HNRNPUL1: variants seen among roughly 807,000 people sequenced by gnomAD.
HNRNPUL1 encodes the protein heterogeneous nuclear ribonucleoprotein U-like protein 1.
HNRNPUL1 carries 14 observed loss-of-function variants against 108.5 expected under a neutral mutation model. That is an observed-to-expected ratio of 0.13 (90% CI 0.09 to 0.20). HNRNPUL1 has a LOEUF of 0.20. Ranked by LOEUF, HNRNPUL1 falls within the 10% of genes least tolerant of loss-of-function variation. The pLI is 1.00. For missense variants in HNRNPUL1, 804 were observed against 1,168.3 expected (o/e 0.69, Z 4.55); for synonymous variants, 422 against 445.2 (o/e 0.95, Z 0.66).
In HNRNPUL1 at chr19:41,305,781, G is replaced by A. The variant is rs575294650; in HGVS notation, c.2368G>A (p.Gly790Ser). ...ACCTGCCTACAACTATGGGAGCTAC[G>A]GCGGTTACAACCCGGCCCCCTATAC... is the stretch of plus-strand genomic sequence containing the variant. ...PPPAYNYGSY[G>S]GYNPAPYTPP... Residue 790 changes from glycine (G) to serine (S), a missense_variant, in exon 14 of 15, where the codon GGC (glycine) becomes AGC (serine). By Grantham distance (56) the Gly-to-Ser change is moderately conservative. Coordinates refer to ENST00000392006, the MANE Select transcript of HNRNPUL1 (RefSeq NM_007040.6). The A allele has an allele frequency of 5.0e-6, 8 of 1,613,672 alleles. No homozygotes were observed. The African/African-American group carries it at 5.3e-5, about 11-fold the overall frequency.
chr19:41,287,105 T>C (rs2036280404), intron 7 of HNRNPUL1, among the ~76,000 whole-genome samples: 1 of 151,946 alleles, frequency 6.6e-6, no homozygotes, highest in Non-Finnish European at 1.5e-5. Context: ...AAGTTCTGCC[T>C]CCCAGGTTCA....
At chr19:41,277,111 A>AC (rs1440430489) in intron 5 of HNRNPUL1, among the ~76,000 whole-genome samples, 27 of 150,890 alleles carry the variant, frequency 1.8e-4, no homozygotes, top group African/African-American at 5.9e-4. Context: ...AAAAAAAACA[A>AC]AAAAACAAAA....
intron 1 of HNRNPUL1, among the ~76,000 whole-genome samples, chr19:41,267,080 C>G (rs1390527329): frequency 6.6e-6 from 1 of 152,168 alleles, no homozygotes; most frequent in Non-Finnish European, 1.5e-5. Flanking sequence ...TCAAATCTGG[C>G]TTAAAGATAT....
At chr19:41,293,588 T>A (rs1454989237) in intron 8 of HNRNPUL1, among the ~76,000 whole-genome samples, 1 of 152,220 alleles carries the variant, frequency 6.6e-6, no homozygotes, top group African/African-American at 2.4e-5. Context: ...TGTGTGCAGC[T>A]CTGTTCCTAT....
upstream of HNRNPUL1, among the ~76,000 whole-genome samples, chr19:41,263,373 T>C (rs2034614782): frequency 6.6e-6 from 1 of 152,188 alleles, no homozygotes; most frequent in Non-Finnish European, 1.5e-5. Context: ...GACAGCCCGA[T>C]TTACGGGAAC....
chr19:41,303,923 T>C (rs771252772), intron 12 of HNRNPUL1, 49 bp from the exon 13 acceptor site: 4 of 1,567,414 alleles, frequency 2.6e-6, no homozygotes, highest in Non-Finnish European at 3.5e-6. Flanking sequence ...TTCCCTGGGG[T>C]TGCCATTTGG....
In HNRNPUL1 at chr19:41,279,070, T is replaced by A. The variant is rs761723830; in HGVS notation, c.787-7T>A. Reference sequence around the variant, plus strand: ...CAACCCTGAGCCCTTTTGTCCTCTTTCCTCAGATCAATGAGGAAATCTCCG... The same window carrying A: ...CAACCCTGAGCCCTTTTGTCCTCTTACCTCAGATCAATGAGGAAATCTCCG... On this transcript the variant is annotated splice_region_variant and splice_polypyrimidine_tract_variant and intron_variant, in intron 5 of 14. Coordinates refer to ENST00000392006, the MANE Select transcript of HNRNPUL1 (RefSeq NM_007040.6). The A allele has an allele frequency of 6.2e-7, 1 of 1,612,006 alleles. No individual in the cohort carries two copies. Among genetic ancestry groups the A allele is most frequent in the East Asian group, 2.2e-5 (1 of 44,868 alleles).
Position 41,304,115 on chromosome 19 carries a change from C to G in HNRNPUL1, c.2116C>G (p.Pro706Ala). 1 of 1,613,452 alleles carries G rather than the reference C, an allele frequency of 6.2e-7. No homozygotes were observed. The highest frequency in any genetic ancestry group is 8.5e-7 in the Non-Finnish European group (1 of 1,179,446). ...PPPQQPPPPQ[P>A]PPQQPPPPPS... ...ACCACAGCAGCCTCCGCCACCACAG[C>G]CACCACCCCAGCAGCCACCGCCACC... Residue 706 changes from proline to alanine, a missense_variant, in exon 13 of 15, where the codon CCA becomes GCA. Physicochemically the swap from Pro to Ala is conservative, Grantham distance 27. Around this residue, in one of 4 missense-constraint regions of HNRNPUL1, gnomAD observed 294 missense variants for 388.3 expected, o/e 0.76. Coordinates refer to ENST00000392006, the MANE Select transcript of HNRNPUL1 (RefSeq NM_007040.6).
chr19:41,265,435 C>T (rs943161153), intron 1 of HNRNPUL1: 2 of 1,401,372 alleles, frequency 1.4e-6, no homozygotes, highest in Non-Finnish European at 1.9e-6. Context: ...GGCTAGTGAG[C>T]ATTTAGGGGC....
intron 4 of HNRNPUL1, 60 bp from the exon 5 acceptor site, chr19:41,276,099 G>A (rs867333943): frequency 1.4e-5 from 22 of 1,608,576 alleles, no homozygotes; most frequent in East Asian, 2.2e-5. Flanking sequence ...GTGAAACTCC[G>A]TCTCAAGAAA....
chr19:41,278,425 A>G (rs893832679), intron 5 of HNRNPUL1: 5 of 151,294 alleles, frequency 3.3e-5, no homozygotes, highest in African/African-American at 1.2e-4. Context: ...TCAGTGCTTT[A>G]TTGATATTTT....
intron 4 of HNRNPUL1, among the ~76,000 whole-genome samples, chr19:41,275,310 G>A (rs979392652): frequency 6.6e-6 from 1 of 152,026 alleles, no homozygotes; most frequent in Non-Finnish European, 1.5e-5. Context: ...GTAACATGGC[G>A]AAACCCTGTC....
At chr19:41,300,419 T>C (rs1422895850) in intron 10 of HNRNPUL1, among the ~76,000 whole-genome samples, 1 of 152,100 alleles carries the variant, frequency 6.6e-6, no homozygotes, top group African/African-American at 2.4e-5. Flanking sequence ...ACTAAAAAAT[T>C]GTTTAAATGC....
In HNRNPUL1 at chr19:41,281,191, A is replaced by G. The variant is rs555562080; in HGVS notation, c.915A>G (p.Gly305=). The G allele has an allele frequency of 6.2e-7, 1 of 1,614,002 alleles. No individual in the cohort carries two copies. Among genetic ancestry groups the G allele is most frequent in the East Asian group, 2.2e-5 (1 of 44,878 alleles). ...LGEEPFSYGY[G]GTGKKSTNSR... ...AAGAGCCTTTCTCCTATGGCTATGGAGGCACTGGGAAGAAGTCCACCAATA... is the reference window on the plus strand; with the variant it reads ...AAGAGCCTTTCTCCTATGGCTATGGGGGCACTGGGAAGAAGTCCACCAATA... Residue 305 remains glycine, a synonymous_variant, in exon 7 of 15, where the codon GGA becomes GGG. Coordinates refer to ENST00000392006, the MANE Select transcript of HNRNPUL1 (RefSeq NM_007040.6).
intron 7 of HNRNPUL1, among the ~76,000 whole-genome samples, chr19:41,282,772 C>A (rs1455281253): frequency 6.7e-6 from 1 of 148,962 alleles, no homozygotes; most frequent in African/African-American, 2.5e-5. Flanking sequence ...TCACTGCAAG[C>A]TCCGCCTCCC....
chr19:41,282,461 T>G (rs2122662924), intron 7 of HNRNPUL1, among the ~76,000 whole-genome samples: 1 of 152,176 alleles, frequency 6.6e-6, no homozygotes, highest in East Asian at 1.9e-4. Context: ...GGATTACAGG[T>G]GTGAACCACC....
intron 7 of HNRNPUL1, among the ~76,000 whole-genome samples, chr19:41,282,988 C>G (rs932668715): frequency 1.3e-5 from 2 of 152,304 alleles, no homozygotes; most frequent in Non-Finnish European, 2.9e-5. Context: ...GCCACCGCGC[C>G]CGGCCATTTT....
chr19:41,296,283 CT>C (rs2036891510), intron 10 of HNRNPUL1, among the ~76,000 whole-genome samples: 2 of 152,224 alleles, frequency 1.3e-5, no homozygotes, highest in Non-Finnish European at 2.9e-5. Context: ...CCCATGACAG[CT>C]TTGCACTCTG....
intron 1 of HNRNPUL1, among the ~76,000 whole-genome samples, chr19:41,266,461 C>T (rs909786972): frequency 6.8e-5 from 10 of 146,288 alleles, no homozygotes; most frequent in South Asian, 6.4e-4. Context: ...CTTTCTTTCT[C>T]TTTTTTTTAA....
Sources: gnomAD v4.1 joint callset for allele counts (sites outside exome capture counted in the v4.1 genomes callset) on GRCh38, gnomAD v4.1.1 for gene constraint, gnomAD v4.1.1 regional missense constraint, MANE v1.5 for transcripts, NCBI Gene and HGNC (gene_info 2026-07-23, HGNC 2026-07-21) for gene names.